Variants in C16orf95 observed in about 807,000 individuals in gnomAD.
C16orf95 encodes the protein uncharacterized protein C16orf95.
C16orf95 carries 41 observed loss-of-function variants against 32.1 expected under a neutral mutation model. The observed-to-expected ratio is 1.28, with a 90% CI of 1.00 to 1.66. C16orf95 has a LOEUF of 1.66. Ranked by LOEUF, C16orf95 falls within the 40% of genes most tolerant of loss-of-function variation. The pLI is 0.00. For missense variants in C16orf95, 399 were observed against 325.9 expected, an observed-to-expected ratio of 1.22 and a Z score of -1.73; for synonymous variants, 147 against 128.9, an observed-to-expected ratio of 1.14 and a Z score of -0.95.
At chr16:87,313,050 T>G (rs188055769) in intron 3 of C16orf95, among the ~76,000 whole-genome samples, 1 of 152,170 alleles carries the variant, frequency 6.6e-6, no homozygotes, top group African/African-American at 2.4e-5. Context: ...AAATGTATCA[T>G]GTTTATGGGT....
chr16:87,315,336 C>T (rs1427394805), intron 2 of C16orf95, among the ~76,000 whole-genome samples: 1 of 152,236 alleles, frequency 6.6e-6, no homozygotes, highest in Non-Finnish European at 1.5e-5. Context: ...TCAGCTGCTT[C>T]CTGCTGTGCT....
chr16:87,316,051 ATGGAATCC>A (rs1483042535), intron 1 of C16orf95, among the ~76,000 whole-genome samples: 2 of 152,160 alleles, frequency 1.3e-5, no homozygotes, highest in Non-Finnish European at 2.9e-5. Context: ...GCTGGCTGTC[ATGGAATCC>A]TGCATTCCCA....
chr16:87,312,342 G>T (rs1424219241), intron 3 of C16orf95, among the ~76,000 whole-genome samples: 1 of 152,208 alleles, frequency 6.6e-6, no homozygotes, highest in Non-Finnish European at 1.5e-5. Flanking sequence ...GCCAAGGCAG[G>T]TGGATCACTT....
intron 3 of C16orf95, among the ~76,000 whole-genome samples, chr16:87,312,066 T>C (rs1332785004): frequency 2.0e-5 from 3 of 152,254 alleles, no homozygotes; most frequent in Admixed American, 6.5e-5. Flanking sequence ...ATGTGAATTA[T>C]TGCAAATTAC....
rs1269238716 is a variant in C16orf95, at chr16:87,303,187, G to A, written c.702-112C>T. 4 of 1,045,532 alleles carry A rather than the reference G, an allele frequency of 3.8e-6. No individual in the cohort carries two copies. In the South Asian group the frequency reaches 4.1e-5, roughly 11 times the overall value. 64.8% of individuals were successfully genotyped at this position (1,045,532 alleles called of 1,614,324 possible). A position where few individuals can be genotyped will look rare whatever the true frequency, so the allele number is the denominator to read the frequency against. ...GAGCGGAAGGCAGAGGCGCTCCACA[G>A]TGCACAGGGCTGGAGGAATCCCAGG... On this transcript the variant is annotated intron_variant, in intron 6 of 6. Coordinates refer to ENST00000567970, the MANE Select transcript of C16orf95 (RefSeq NM_001195124.3).
At position 87,315,064 on chromosome 16, in the gene C16orf95, T is replaced by A; in HGVS notation, c.237A>T (p.Glu79Asp). The change falls in exon 3 of 7, where the codon GAA (glutamate) becomes GAT (aspartate). Residue 79 changes from glutamate (E) to aspartate (D), a missense_variant. Transcript: ENST00000567970. ...MHPGPWAICC[E>D]CQTRFGGRLP... The stretch of plus-strand genomic sequence containing the variant: ...GGCGGCCCCCGAATCTGGTCTGGCA[T>A]TCACAGCAGATGGCCCAGGGGCCAG... The A allele has an allele frequency of 6.5e-7, 1 of 1,536,082 alleles. No homozygotes were observed. Among genetic ancestry groups the A allele is most frequent in the Non-Finnish European group, 8.7e-7 (1 of 1,146,880 alleles).
rs778578889 is a variant in C16orf95, at chr16:87,305,812, T to C, written c.608A>G (p.Tyr203Cys). 2.7e-6 allele frequency: 4 copies of C among 1,508,994 alleles called. No homozygotes were observed. In the South Asian group the frequency reaches 3.7e-5, roughly 14 times the overall value. 93.5% of individuals were successfully genotyped at this position (1,508,994 alleles called of 1,614,324 possible). The stretch of plus-strand genomic sequence containing the variant: ...TGCAGGAGCCGGTAGCTGGTCCTGG[T>C]AGGGGGCCTGGAGCTGCTGGAACTT... The part of the protein sequence containing the change: ...LSKFQQLQAP[Y>C]QDQLPAPAAR... Residue 203 changes from tyrosine (Y) to cysteine (C), a missense_variant, in exon 6 of 7, where the codon TAC becomes TGC. Tyr to Cys is a radical substitution (Grantham distance 194). Transcript: ENST00000567970. The surrounding 1 kb of genome is among the most constrained non-coding windows in gnomAD (Gnocchi z 4.2).
chr16:87,316,390 T>C (rs1238966899), intron 1 of C16orf95, among the ~76,000 whole-genome samples: 3 of 152,168 alleles, frequency 2.0e-5, no homozygotes, highest in Non-Finnish European at 4.4e-5. Flanking sequence ...GGATGAAGCG[T>C]CTCCAGTGGG....
intron 3 of C16orf95, among the ~76,000 whole-genome samples, chr16:87,313,806 T>G (rs1003942669): frequency 2.0e-5 from 3 of 152,192 alleles, no homozygotes; most frequent in African/African-American, 7.2e-5. Context: ...ATCTAGAATT[T>G]GTATCTAGAA....
Position 87,305,619 on chromosome 16 carries a change from A to G in C16orf95, c.701+100T>C, listed in dbSNP as rs1332107634. ...TTGGACGCCTGTCAAGTTAAGCCCCACCCCCCACTCTTCCACATCCCTGAT... is the reference window on the plus strand; with the variant it reads ...TTGGACGCCTGTCAAGTTAAGCCCCGCCCCCCACTCTTCCACATCCCTGAT... On this transcript the variant is annotated intron_variant, in intron 6 of 6. Transcript: ENST00000567970. The surrounding 1 kb of genome is among the most constrained non-coding windows in gnomAD (Gnocchi z 4.2). 3.6e-6 allele frequency: 4 copies of G among 1,105,158 alleles called. No homozygotes were observed. Among genetic ancestry groups the G allele is most frequent in the Admixed American group, 3.0e-5 (1 of 33,304 alleles). The allele number at this position is 1,105,158 out of a possible 1,614,324, so 68.5% of individuals were successfully genotyped here.
At chr16:87,304,739 G>T (rs1312338298) in intron 6 of C16orf95, among the ~76,000 whole-genome samples, 1 of 152,160 alleles carries the variant, frequency 6.6e-6, no homozygotes, top group Admixed American at 6.5e-5. Context: ...TAGGAGAATG[G>T]ATAACCCAAA....
At chr16:87,307,574 C>T (rs1250434129) in intron 5 of C16orf95, among the ~76,000 whole-genome samples, 1 of 152,152 alleles carries the variant, frequency 6.6e-6, no homozygotes, top group African/African-American at 2.4e-5. Flanking sequence ...GCCTGGCCAA[C>T]ATGGTAAAAC....
Position 87,305,880 on chromosome 16 carries a change from C to A in C16orf95, c.540G>T (p.Trp180Cys). Reference protein sequence around the residue: ...IQAPLLDACCWHNCWRICGDE... With the variant: ...IQAPLLDACCCHNCWRICGDE... ...CACCGCAGATCCGCCAGCAGTTGTG[C>A]CAGCAGCATGCATCCAGCAGGGGTG... The change falls in exon 6 of 7, where the codon TGG (tryptophan) becomes TGT (cysteine). Residue 180 changes from tryptophan (W) to cysteine (C), a missense_variant. Physicochemically the swap from Trp to Cys is radical, Grantham distance 215. Coordinates refer to ENST00000567970, the MANE Select transcript of C16orf95 (RefSeq NM_001195124.3). This position sits in a 1 kb window ranked among gnomAD's most constrained non-coding sequence, Gnocchi z 4.2. 1.4e-6 allele frequency: 2 copies of A among 1,438,752 alleles called. No homozygotes were observed. The highest frequency in any genetic ancestry group is 9.1e-7 in the Non-Finnish European group (1 of 1,099,394). The allele number at this position is 1,438,752 out of a possible 1,614,324, so 89.1% of individuals were successfully genotyped here.
intron 2 of C16orf95, 88 bp from the exon 3 acceptor site, chr16:87,315,184 C>A: frequency 7.3e-7 from 1 of 1,360,688 alleles, no homozygotes; most frequent in Non-Finnish European, 9.8e-7. Flanking sequence ...GATCCGTGCT[C>A]AGGAAGATGG....
At chr16:87,316,643 G>C (rs1483363662) in intron 1 of C16orf95, among the ~76,000 whole-genome samples, 3 of 151,224 alleles carry the variant, frequency 2.0e-5, no homozygotes, top group African/African-American at 7.3e-5. Context: ...TATATTCCTG[G>C]TGGGGAGGGG....
At chr16:87,315,540 C>A (rs902190497) in intron 2 of C16orf95, among the ~76,000 whole-genome samples, 2 of 152,214 alleles carry the variant, frequency 1.3e-5, no homozygotes, top group South Asian at 4.1e-4. Flanking sequence ...TCCAGGGGCA[C>A]ACGGAGAAGC....
At chr16:87,309,148 T>A (rs376643177) in intron 5 of C16orf95, among the ~76,000 whole-genome samples, 10 of 152,276 alleles carry the variant, frequency 6.6e-5, no homozygotes, top group African/African-American at 2.4e-4. Context: ...AACTTCACCA[T>A]AAATGTGATG....
In C16orf95 at chr16:87,310,334, C is replaced by A. The variant is rs1911224550; in HGVS notation, c.478-1G>T. On this transcript the variant is annotated splice_acceptor_variant, in intron 4 of 6. Coordinates refer to ENST00000567970, the MANE Select transcript of C16orf95 (RefSeq NM_001195124.3). LOFTEE classifies it high-confidence loss of function. ...TCAAACTCTGCTGCCTCCTGACTAT[C>A]TAAAAGACAAGAATGGAGGCAAGCA... The A allele has an allele frequency of 6.5e-7, 1 of 1,536,092 alleles. No individual in the cohort carries two copies. Among genetic ancestry groups the A allele is most frequent in the Non-Finnish European group, 8.7e-7 (1 of 1,146,896 alleles).
Position 87,317,217 on chromosome 16 carries a change from G to A in C16orf95, c.26C>T (p.Ser9Phe). The A allele has an allele frequency of 6.5e-7, 1 of 1,530,614 alleles. No individual in the cohort carries two copies. Among genetic ancestry groups the A allele is most frequent in the Non-Finnish European group, 8.7e-7 (1 of 1,144,324 alleles). The allele number at this position is 1,530,614 out of a possible 1,614,324, so 94.8% of individuals were successfully genotyped here. A position where few individuals can be genotyped will look rare whatever the true frequency, so the allele number is the denominator to read the frequency against. The change falls in exon 1 of 7, where the codon TCC becomes TTC. Residue 9 changes from serine (S) to phenylalanine (F), a missense_variant. Coordinates refer to ENST00000567970, the MANE Select transcript of C16orf95 (RefSeq NM_001195124.3). ...ATGATGATGGTGACAACGCCGCGGGGACGGTGGGGACCGGCTCGCACGCAT... is the reference window on the plus strand; with the variant it reads ...ATGATGATGGTGACAACGCCGCGGGAACGGTGGGGACCGGCTCGCACGCAT... Reference protein sequence around the residue: MRASRSPPSPRRCHHHHEA... With the variant: MRASRSPPFPRRCHHHHEA...
Sources: allele counts gnomAD v4.1 joint callset (sites outside exome capture counted in the v4.1 genomes callset), GRCh38; gene constraint gnomAD v4.1.1; non-coding constraint Gnocchi (gnomAD v3.1); transcripts MANE v1.5; gene names NCBI Gene and HGNC (gene_info 2026-07-23, HGNC 2026-07-21).